Variants in CYRIB observed in about 807,000 individuals in gnomAD.
CYRIB encodes CYFIP related Rac1 interactor B, also known as CYFIP-related Rac1 interactor B.
CYRIB carries 8 observed loss-of-function variants against 44.2 expected under a neutral mutation model. That is an observed-to-expected ratio of 0.18 (90% CI 0.11 to 0.33). The LOEUF is 0.33. Ranked by LOEUF, CYRIB falls within the 10% of genes least tolerant of loss-of-function variation. The pLI is 1.00. For synonymous variants in CYRIB, 131 were observed against 127.2 expected (o/e 1.03, Z -0.20); for missense variants, 185 against 382.8 (o/e 0.48, Z 4.31).
intron 2 of CYRIB, chr8:129,890,780 C>T (rs1403666084): frequency 6.6e-6 from 1 of 152,182 alleles, no homozygotes; most frequent in Non-Finnish European, 1.5e-5. Context: ...GTAGTCCCAA[C>T]TACTCAGGAG....
intron 1 of CYRIB, among the ~76,000 whole-genome samples, chr8:129,977,340 T>C (rs894934253): frequency 6.6e-6 from 1 of 152,146 alleles, no homozygotes. Flanking sequence ...TCTGCTATGC[T>C]TCAGTTCCTA....
At chr8:129,883,617 C>CA (rs1215888019) in intron 2 of CYRIB, among the ~76,000 whole-genome samples, 2 of 151,950 alleles carry the variant, frequency 1.3e-5, no homozygotes, top group African/African-American at 2.4e-5. Flanking sequence ...AACAAACAAA[C>CA]AAACAAAAAA....
chr8:129,940,107 T>A (rs1416193588), upstream of CYRIB, among the ~76,000 whole-genome samples: 1 of 151,958 alleles, frequency 6.6e-6, no homozygotes, highest in African/African-American at 2.4e-5. Context: ...TCTGAGTGGG[T>A]TGGGGTCTTC....
At chr8:129,852,083 T>G (rs1243626488) in intron 8 of CYRIB, 79 bp downstream of exon 10, 1 of 809,124 alleles carries the variant, frequency 1.2e-6, no homozygotes, top group Non-Finnish European at 1.9e-6. Flanking sequence ...TGGTATTTAA[T>G]GTCTTGGGCT....
chr8:129,886,472 T>C (rs2062789704), intron 2 of CYRIB, among the ~76,000 whole-genome samples: 1 of 152,154 alleles, frequency 6.6e-6, no homozygotes, highest in Non-Finnish European at 1.5e-5. Flanking sequence ...TAAACAGAAA[T>C]GTACCTTGAT....
At chr8:129,955,556 T>G (rs1008025436) in intron 2 of CYRIB, among the ~76,000 whole-genome samples, 1 of 152,290 alleles carries the variant, frequency 6.6e-6, no homozygotes, top group South Asian at 2.1e-4. Context: ...CAAGGTAACT[T>G]ATTTCCTCAT....
chr8:129,872,795 G>A (rs1386773787), intron 3 of CYRIB, among the ~76,000 whole-genome samples: 2 of 151,874 alleles, frequency 1.3e-5, no homozygotes, highest in African/African-American at 2.4e-5. Flanking sequence ...GAAGGTTTTT[G>A]GTAAATCTTT....
chr8:129,930,119 G>A lies in CYRIB; in HGVS notation c.-50+9489C>T, dbSNP rs188018351. On this transcript the variant is annotated intron_variant, in intron 1 of 11. Coordinates refer to ENST00000519824, the Ensembl canonical transcript of CYRIB. ...CCAGCTACTCAGGAAGCTGAGGCAG[G>A]AGAATCACTTGAACCCGGGAGGCGG... 4.9e-3 allele frequency among the ~76,000 whole-genome samples: 747 copies of A among 151,714 alleles called. 6 individuals carry two copies. Among genetic ancestry groups the A allele is most frequent in the African/African-American group, 0.017 (708 of 41,374 alleles).
intron 2 of CYRIB, among the ~76,000 whole-genome samples, chr8:129,887,153 T>C (rs1395708032): frequency 6.6e-6 from 1 of 151,982 alleles, no homozygotes; most frequent in Non-Finnish European, 1.5e-5. Context: ...AGGGGAAGAA[T>C]GGTTTCACAG....
At chr8:129,875,282 T>TC (rs2058726402) in intron 3 of CYRIB, among the ~76,000 whole-genome samples, 1 of 152,014 alleles carries the variant, frequency 6.6e-6, no homozygotes, top group African/African-American at 2.4e-5. Context: ...TTTTTTTTTT[T>TC]CAAAGACAGT....
intron 5 of CYRIB, among the ~76,000 whole-genome samples, chr8:129,856,588 T>C (rs1196670365): frequency 6.6e-6 from 1 of 152,164 alleles, no homozygotes; most frequent in Non-Finnish European, 1.5e-5. Flanking sequence ...TGTTAATAAA[T>C]GTCAGATTAA....
exon 7 of CYRIB, chr8:129,854,268 G>A (rs928754615): frequency 6.2e-7 from 1 of 1,602,594 alleles, no homozygotes; most frequent in Non-Finnish European, 8.5e-7. Context: ...TAACTTACCG[G>A]TACATTGTTA....
intron 2 of CYRIB, among the ~76,000 whole-genome samples, chr8:129,963,112 T>C (rs1432111647): frequency 3.9e-5 from 6 of 152,184 alleles, no homozygotes; most frequent in Non-Finnish European, 5.9e-5. Flanking sequence ...TGGCCTTTTT[T>C]TACCTCCTGC....
chr8:129,869,541 AAAAATTTT>A (rs2056058706), intron 4 of CYRIB, among the ~76,000 whole-genome samples: 1 of 152,214 alleles, frequency 6.6e-6, no homozygotes, highest in Non-Finnish European at 1.5e-5. Flanking sequence ...AACCATCATA[AAAAATTTT>A]ACCAATTAAT....
chr8:129,980,240 AAAAAAAG>A (rs1269303858), intron 1 of CYRIB, among the ~76,000 whole-genome samples: 4 of 151,314 alleles, frequency 2.6e-5, no homozygotes, highest in Non-Finnish European at 5.9e-5. Flanking sequence ...AAAAAAAAAA[AAAAAAAG>A]AAAAGAAAAA....
At chr8:129,876,361 C>A (rs2059130568) in intron 3 of CYRIB, among the ~76,000 whole-genome samples, 1 of 152,086 alleles carries the variant, frequency 6.6e-6, no homozygotes, top group African/African-American at 2.4e-5. Flanking sequence ...CAGAGACTGA[C>A]CCTGTCTCAA....
In CYRIB at chr8:129,963,918, T is replaced by C. The variant is rs555307723; in HGVS notation, c.-243+7025A>G. On this transcript the variant is annotated intron_variant, in intron 2 of 14. Coordinates refer to the CYRIB transcript ENST00000401979. ...TTCCATCCTTCTTGACCATTTGGATTTCTTGTCCATTTGTGTGCTGATCAC... is the reference window on the plus strand; with the variant it reads ...TTCCATCCTTCTTGACCATTTGGATCTCTTGTCCATTTGTGTGCTGATCAC... Among the ~76,000 whole-genome samples, 336 of 152,338 alleles carry C rather than the reference T, an allele frequency of 2.2e-3. 2 individuals are homozygous for C. The highest frequency in any genetic ancestry group is 8.0e-3 in the African/African-American group (331 of 41,576).
intron 2 of CYRIB, among the ~76,000 whole-genome samples, chr8:129,958,320 C>G (rs991620101): frequency 2.6e-5 from 4 of 152,282 alleles, no homozygotes; most frequent in African/African-American, 9.6e-5. Flanking sequence ...ACATTCTGCA[C>G]CAGCACACAA....
chr8:129,930,577 TACCAAAGACTGAACACTAGCCAGTTGTC>T (rs1313734520), intron 1 of CYRIB, among the ~76,000 whole-genome samples: 8 of 151,734 alleles, frequency 5.3e-5, no homozygotes, highest in Non-Finnish European at 1.0e-4. Flanking sequence ...CAGTGCCACA[TACCAAAGACTGAACACTAGCCAGTTGTC>T]ACCATCGCAC....
Sources: gnomAD v4.1 joint callset for allele counts (sites outside exome capture counted in the v4.1 genomes callset) on GRCh38, gnomAD v4.1.1 for gene constraint, MANE v1.5 for transcripts, NCBI Gene and HGNC (gene_info 2026-07-23, HGNC 2026-07-21) for gene names.